Variants in KCNC2 observed in about 807,000 individuals in gnomAD.
KCNC2 encodes the protein potassium voltage-gated channel subfamily C member 2.
A neutral mutation model predicts 44.5 loss-of-function variants in KCNC2; 21 were observed. That is an observed-to-expected ratio of 0.47 (90% CI 0.33 to 0.68). KCNC2 has a LOEUF of 0.68. KCNC2 is among the 30% of genes least tolerant of loss of function. The pLI is 0.01. For missense variants in KCNC2, 589 were observed against 826.2 expected (o/e 0.71, Z 3.52); for synonymous variants, 391 against 339.1 (o/e 1.15, Z -1.68).
At chr12:75,073,001 C>T (rs1565829726) in intron 2 of KCNC2, among the ~76,000 whole-genome samples, 1 of 151,470 alleles carries the variant, frequency 6.6e-6, no homozygotes, top group African/African-American at 2.4e-5. Context: ...TATTTATGTC[C>T]AAAAAAAACC....
rs140991171 is a variant in KCNC2 at position 75,195,539 on chromosome 12, T to A, written c.687+11758A>T. Among the ~76,000 whole-genome samples the A allele has an allele frequency of 8.5e-3, 1,293 of 152,252 alleles. 48 individuals carry two copies. The highest frequency in any genetic ancestry group is 0.078 in the Admixed American group (1,198 of 15,274). Reference sequence around the variant, plus strand: ...ACTAAGGGAACATTCTTGACTTTTCTTGTTGCCTCATTCACTCCTACCTAA... The same window carrying A: ...ACTAAGGGAACATTCTTGACTTTTCATGTTGCCTCATTCACTCCTACCTAA... On this transcript the variant is annotated intron_variant, in intron 2 of 4. Coordinates refer to ENST00000549446, the MANE Select transcript of KCNC2 (RefSeq NM_139137.4).
chr12:75,204,330 G>T (rs1007649654), intron 2 of KCNC2, among the ~76,000 whole-genome samples: 15 of 151,952 alleles, frequency 9.9e-5, no homozygotes, highest in Admixed American at 2.0e-4. Context: ...CAAAAATGCA[G>T]GGTTGCAAAA....
intron 2 of KCNC2, among the ~76,000 whole-genome samples, chr12:75,075,105 G>A (rs766489204): frequency 6.6e-6 from 1 of 152,122 alleles, no homozygotes; most frequent in African/African-American, 2.4e-5. Flanking sequence ...AAACCTCAAT[G>A]TTAACCTGTA....
chr12:75,140,012 C>T (rs370044037), intron 2 of KCNC2: 1 of 152,120 alleles, frequency 6.6e-6, no homozygotes, highest in South Asian at 2.1e-4. Context: ...ATATAGGCAT[C>T]AGAATAAGAA....
Position 75,207,746 on chromosome 12 carries a change from C to G in KCNC2, c.238G>C (p.Gly80Arg), listed in dbSNP as rs1447196336. ...LSPGPGGCFE[G>R]GAGNCSSRGG... ...CGGGAACTGCAGTTGCCCGCGCCGCCCTCGAAGCAGCCGCCTGGCCCGGGG... is the reference window on the plus strand; with the variant it reads ...CGGGAACTGCAGTTGCCCGCGCCGCGCTCGAAGCAGCCGCCTGGCCCGGGG... The change falls in exon 2 of 5, where the codon GGC becomes CGC. Residue 80 changes from glycine to arginine, a missense_variant. Around this residue, in one of 7 missense-constraint regions of KCNC2, gnomAD observed 148 missense variants for 140.1 expected, o/e 1.06. Coordinates refer to ENST00000549446, the MANE Select transcript of KCNC2 (RefSeq NM_139137.4). This position sits in a 1 kb window ranked among gnomAD's most constrained non-coding sequence, Gnocchi z 4.1. 2 of 1,567,732 alleles carry G rather than the reference C, an allele frequency of 1.3e-6. No individual in the cohort carries two copies. The highest frequency in any genetic ancestry group is 1.4e-5 in the African/African-American group (1 of 73,500).
At chr12:75,131,402 T>TA (rs1386468178) in intron 2 of KCNC2, among the ~76,000 whole-genome samples, 2 of 152,172 alleles carry the variant, frequency 1.3e-5, no homozygotes, top group African/African-American at 4.8e-5. Context: ...AGCAGTGGCT[T>TA]ATAGCAGTAG....
intron 2 of KCNC2, among the ~76,000 whole-genome samples, chr12:75,055,841 G>A (rs1466537820): frequency 6.6e-6 from 1 of 151,926 alleles, no homozygotes; most frequent in African/African-American, 2.4e-5. Flanking sequence ...CAAATTTTTA[G>A]GTATGTATAA....
chr12:75,069,129 C>CTTT (rs1158151551), intron 2 of KCNC2, among the ~76,000 whole-genome samples: 1,704 of 63,416 alleles, frequency 0.027, 348 homozygotes, highest in African/African-American at 0.093. Flanking sequence ...TTTATATAAT[C>CTTT]TTTTTTTTTT....
intron 2 of KCNC2, among the ~76,000 whole-genome samples, chr12:75,100,763 T>G (rs1156977671): frequency 6.6e-6 from 1 of 152,048 alleles, no homozygotes; most frequent in Non-Finnish European, 1.5e-5. Context: ...TTATGATGTT[T>G]CTTGAATTTT....
chr12:75,156,144 T>A (rs891854971), intron 2 of KCNC2, among the ~76,000 whole-genome samples: 5 of 151,968 alleles, frequency 3.3e-5, no homozygotes, highest in African/African-American at 9.6e-5. Context: ...AAATGTCAGC[T>A]TGATGTGTCT....
At chr12:75,049,042 A>T (rs1880875553) in intron 3 of KCNC2, among the ~76,000 whole-genome samples, 1 of 152,112 alleles carries the variant, frequency 6.6e-6, no homozygotes, top group South Asian at 2.1e-4. Context: ...CTGCATAGAT[A>T]CTTGAGAATA....
rs572014099 is a variant in KCNC2 at position 75,088,912 on chromosome 12, A to C, written c.688-37595T>G. Among the ~76,000 whole-genome samples the C allele has an allele frequency of 1.2e-4, 19 of 152,036 alleles. No individual in the cohort carries two copies. The South Asian group carries it at 3.9e-3, about 31-fold the overall frequency. On this transcript the variant is annotated intron_variant, in intron 2 of 4. Transcript: ENST00000549446. ...TGAATCACAAATCCAAATGCATCTT[A>C]AACAGAGGTTCTTGCTTTCAGTTGC...
At chr12:75,141,256 C>T (rs1229848950) in intron 2 of KCNC2, among the ~76,000 whole-genome samples, 1 of 152,174 alleles carries the variant, frequency 6.6e-6, no homozygotes, top group Non-Finnish European at 1.5e-5. Flanking sequence ...AATGTCAATA[C>T]CCATCTCTAG....
chr12:75,138,426 G>C (rs143810908), intron 2 of KCNC2, among the ~76,000 whole-genome samples: 3 of 152,244 alleles, frequency 2.0e-5, no homozygotes, highest in African/African-American at 7.2e-5. Context: ...CCTGTTTTCA[G>C]AATCACTTGA....
chr12:75,071,977 C>T (rs576001594), intron 2 of KCNC2, among the ~76,000 whole-genome samples: 17 of 129,552 alleles, frequency 1.3e-4, no homozygotes, highest in Non-Finnish European at 2.1e-4. Context: ...GTTAACTCTT[C>T]ATAAAAGCGA....
chr12:75,067,505 A>G (rs975614607), intron 2 of KCNC2, among the ~76,000 whole-genome samples: 2 of 152,188 alleles, frequency 1.3e-5, no homozygotes, highest in Middle Eastern at 3.2e-3. Context: ...AGACAAGAAT[A>G]TGAGTTCTTC....
chr12:75,170,946 G>T (rs1015587775), intron 2 of KCNC2, among the ~76,000 whole-genome samples: 1 of 151,716 alleles, frequency 6.6e-6, no homozygotes, highest in African/African-American at 2.4e-5. Context: ...TCAGAATTTT[G>T]TTCCTTGAAG....
chr12:75,109,447 T>C (rs1887049353), intron 2 of KCNC2, among the ~76,000 whole-genome samples: 1 of 152,140 alleles, frequency 6.6e-6, no homozygotes, highest in Non-Finnish European at 1.5e-5. Flanking sequence ...CTTGAGTTAA[T>C]TTAGGGAGCT....
intron 4 of KCNC2, among the ~76,000 whole-genome samples, chr12:75,044,130 T>C (rs946209834): frequency 6.6e-6 from 1 of 151,968 alleles, no homozygotes; most frequent in African/African-American, 2.4e-5. Flanking sequence ...TATTTTAGTA[T>C]TTTTTATTAC....
Sources: allele counts gnomAD v4.1 joint callset (sites outside exome capture counted in the v4.1 genomes callset), GRCh38; gene constraint gnomAD v4.1.1; regional missense constraint gnomAD v4.1.1; non-coding constraint Gnocchi (gnomAD v3.1); transcripts MANE v1.5; gene names NCBI Gene and HGNC (gene_info 2026-07-23, HGNC 2026-07-21).